SNTG1: variants seen among roughly 807,000 people sequenced by gnomAD.
SNTG1 encodes the protein gamma-1-syntrophin.
SNTG1 carries 39 observed loss-of-function variants against 74.7 expected under a neutral mutation model. The ratio of observed to expected loss-of-function variants is 0.52; its 90% CI spans 0.40 to 0.68. The LOEUF is 0.68. SNTG1 is among the 30% of genes least tolerant of loss of function. The probability of loss-of-function intolerance (pLI) is 0.00; values close to 1 mark genes in which losing one functional copy is unlikely to be tolerated. For synonymous variants in SNTG1, 254 were observed against 217.1 expected (o/e 1.17, Z -1.49); for missense variants, 685 against 609.5 (o/e 1.12, Z -1.30).
At chr8:50,458,696 A>G (rs978068399) in intron 8 of SNTG1, among the ~76,000 whole-genome samples, 2 of 152,024 alleles carry the variant, frequency 1.3e-5, no homozygotes, top group African/African-American at 2.4e-5. Flanking sequence ...ATTACTTTGC[A>G]TTTTCCTAAT....
In SNTG1 at chr8:50,120,422, G is replaced by A. The variant is rs1345986704; in HGVS notation, c.-102-52139G>A. ...ACCATAACTACTACTATCCCTACTA[G>A]TACTACTACTACCACCACCACCCTA... On this transcript the variant is annotated intron_variant, in intron 1 of 18. Coordinates refer to ENST00000642720, the MANE Select transcript of SNTG1 (RefSeq NM_018967.5). Among the ~76,000 whole-genome samples the A allele has an allele frequency of 1.4e-5, 2 of 138,248 alleles. 1 individual carries two copies. The highest frequency in any genetic ancestry group is 5.3e-5 in the African/African-American group (2 of 38,050). The allele number at this position is 138,248 out of a possible 152,430, so 90.7% of individuals were successfully genotyped here. A position where few individuals can be genotyped will look rare whatever the true frequency, so the allele number is the denominator to read the frequency against.
chr8:50,651,937 A>G (rs916913127), intron 13 of SNTG1, among the ~76,000 whole-genome samples: 5 of 151,086 alleles, frequency 3.3e-5, no homozygotes, highest in Admixed American at 6.6e-5. Context: ...TTTAGTAGAG[A>G]TGGGGTTTCT....
At position 50,021,762 on chromosome 8, in the gene SNTG1, C is replaced by G. The variant is rs1282677662; in HGVS notation, c.-103+109531C>G. On this transcript the variant is annotated intron_variant, in intron 1 of 18. Coordinates refer to ENST00000642720, the MANE Select transcript of SNTG1 (RefSeq NM_018967.5). ...ACCAGCCTGGGCAACACAGGGAATC[C>G]CCATCTCTACAGAAAATATCTTATA... Among the ~76,000 whole-genome samples, 4 of 151,598 alleles carry G rather than the reference C, an allele frequency of 2.6e-5. No homozygotes were observed. The East Asian group carries it at 5.9e-4, about 22-fold the overall frequency.
intron 8 of SNTG1, among the ~76,000 whole-genome samples, chr8:50,493,888 A>T (rs2093880696): frequency 6.6e-6 from 1 of 151,892 alleles, no homozygotes; most frequent in Middle Eastern, 3.4e-3. Context: ...TATCTCCATT[A>T]TTTTTCAACA....
At chr8:50,599,692 A>C (rs912805589) in intron 13 of SNTG1, among the ~76,000 whole-genome samples, 13 of 152,118 alleles carry the variant, frequency 8.5e-5, no homozygotes, top group Admixed American at 3.3e-4. Context: ...TAAATCCTAC[A>C]GCCTTAATGA....
chr8:50,617,639 G>A (rs1327529180), intron 13 of SNTG1, among the ~76,000 whole-genome samples: 1 of 152,212 alleles, frequency 6.6e-6, no homozygotes, highest in Admixed American at 6.5e-5. Flanking sequence ...CAAGAGCCGA[G>A]CTCCCCGAGT....
chr8:50,034,741 C>T (rs1818005351), intron 1 of SNTG1, among the ~76,000 whole-genome samples: 1 of 152,152 alleles, frequency 6.6e-6, no homozygotes. Flanking sequence ...ACAAAATTAT[C>T]TCATAATTTT....
chr8:50,561,996 T>C (rs2094491169), intron 12 of SNTG1, among the ~76,000 whole-genome samples: 1 of 152,204 alleles, frequency 6.6e-6, no homozygotes. Context: ...ATCCATCTTA[T>C]ATATGTCCTT....
rs2450289 is a variant in SNTG1 at position 49,915,866 on chromosome 8, G to T, written c.-103+3635G>T. On this transcript the variant is annotated intron_variant, in intron 1 of 18. Coordinates refer to ENST00000642720, the MANE Select transcript of SNTG1 (RefSeq NM_018967.5). ...GTTAAGATGTTGTTTTGATTTAGTC[G>T]AAAGCCTAGATTTTATTCATAGGCC... Among the ~76,000 whole-genome samples, 21 of 152,218 alleles carry T rather than the reference G, an allele frequency of 1.4e-4. No homozygotes were observed. In the South Asian group the frequency reaches 4.1e-3, roughly 30 times the overall value.
At chr8:50,513,324 C>G (rs1169398273) in intron 9 of SNTG1, among the ~76,000 whole-genome samples, 1 of 152,190 alleles carries the variant, frequency 6.6e-6, no homozygotes, top group Admixed American at 6.5e-5. Flanking sequence ...CAGTCTGCCC[C>G]TACTGGGGGG....
At chr8:50,409,706 T>C (rs2092923382) in intron 4 of SNTG1, among the ~76,000 whole-genome samples, 1 of 152,232 alleles carries the variant, frequency 6.6e-6, no homozygotes, top group Non-Finnish European at 1.5e-5. Flanking sequence ...CTCATGGTAG[T>C]ATACCCTTCA....
chr8:49,959,728 G>C (rs1810510379), intron 1 of SNTG1, among the ~76,000 whole-genome samples: 1 of 152,040 alleles, frequency 6.6e-6, no homozygotes, highest in South Asian at 2.1e-4. Flanking sequence ...TCTACTTTTG[G>C]GCTATTATGA....
At chr8:50,547,990 C>CAGG (rs1282105113) in intron 11 of SNTG1, among the ~76,000 whole-genome samples, 1 of 152,100 alleles carries the variant, frequency 6.6e-6, no homozygotes, top group Non-Finnish European at 1.5e-5. Context: ...AAATGATGTC[C>CAGG]AGGTAAGCAT....
chr8:50,339,745 A>C (rs2130928459), intron 2 of SNTG1, among the ~76,000 whole-genome samples: 1 of 152,046 alleles, frequency 6.6e-6, no homozygotes, highest in South Asian at 2.1e-4. Flanking sequence ...GAAACAAATA[A>C]AAAGGGCAAC....
In SNTG1 at chr8:50,462,059, T is replaced by C. The variant is rs570315856; in HGVS notation, c.363+11330T>C. ...TTCGGTACAGTGTACTCTGCTCCAA[T>C]GACAGGTGCACCAAAATCTCAGAAA... On this transcript the variant is annotated intron_variant, in intron 8 of 18. Transcript: ENST00000642720. 2.0e-5 allele frequency among the ~76,000 whole-genome samples: 3 copies of C among 152,190 alleles called. No homozygotes were observed. In the South Asian group the frequency reaches 6.2e-4, roughly 32 times the overall value.
intron 12 of SNTG1, among the ~76,000 whole-genome samples, chr8:50,568,716 G>A (rs746626225): frequency 6.6e-6 from 1 of 151,828 alleles, no homozygotes; most frequent in Non-Finnish European, 1.5e-5. Flanking sequence ...GAATATTCTG[G>A]GTATTAACTC....
At chr8:50,264,654 G>T (rs903324809) in intron 2 of SNTG1, among the ~76,000 whole-genome samples, 1 of 150,190 alleles carries the variant, frequency 6.7e-6, no homozygotes, top group African/African-American at 2.4e-5. Context: ...ATAATAAAAT[G>T]GAAACACATA....
intron 9 of SNTG1, among the ~76,000 whole-genome samples, chr8:50,503,528 A>T (rs924400819): frequency 2.6e-5 from 4 of 152,170 alleles, no homozygotes; most frequent in African/African-American, 9.6e-5. Flanking sequence ...AACTGTTCCC[A>T]GTAAATAACA....
chr8:50,008,288 T>A (rs1815439552), intron 1 of SNTG1, among the ~76,000 whole-genome samples: 1 of 152,180 alleles, frequency 6.6e-6, no homozygotes, highest in Non-Finnish European at 1.5e-5. Flanking sequence ...ACTTTTCTTG[T>A]ATGAAAATGA....
Sources: gnomAD v4.1 joint callset for allele counts (sites outside exome capture counted in the v4.1 genomes callset) on GRCh38, gnomAD v4.1.1 for gene constraint, MANE v1.5 for transcripts, NCBI Gene and HGNC (gene_info 2026-07-23, HGNC 2026-07-21) for gene names.